The following PRMT7 variants were observed in gnomAD, a reference collection of about 807,000 sequenced individuals.
PRMT7 encodes protein arginine N-methyltransferase 7.
PRMT7 carries 75 observed loss-of-function variants against 85.4 expected under a neutral mutation model. The observed-to-expected ratio is 0.88, with a 90% CI of 0.73 to 1.06. The LOEUF (loss-of-function observed/expected upper bound fraction) is 1.06, where lower values mean the gene tolerates loss of function less well. Among genes scored for constraint, PRMT7 ranks in the 50% least tolerant of loss-of-function variants. PRMT7 has a pLI of 0.00. For missense variants in PRMT7, 868 were observed against 915.2 expected (o/e 0.95, Z 0.67); for synonymous variants, 397 against 359.5 (o/e 1.10, Z -1.18).
At chr16:68,324,520 A>G in intron 4 of PRMT7, 163 bp from the exon 5 acceptor site, 1 of 755,656 alleles carries the variant, frequency 1.3e-6, no homozygotes, top group South Asian at 1.8e-5. Flanking sequence ...GGGCTGACTC[A>G]CAAGACCTGC....
At chr16:68,314,336 T>G (rs1187812633) in intron 2 of PRMT7, among the ~76,000 whole-genome samples, 2 of 152,224 alleles carry the variant, frequency 1.3e-5, no homozygotes, top group African/African-American at 4.8e-5. Context: ...ATTCAAGTGA[T>G]TCTCCTGCCT....
At chr16:68,348,143 C>T (rs1257823214) in intron 13 of PRMT7, among the ~76,000 whole-genome samples, 199 bp from the exon 14 acceptor site, 1 of 152,192 alleles carries the variant, frequency 6.6e-6, no homozygotes, top group Non-Finnish European at 1.5e-5. Flanking sequence ...GCTTTTATCA[C>T]ATTGTGCTCC....
At chr16:68,350,534 T>C (rs141382994) in intron 14 of PRMT7, among the ~76,000 whole-genome samples, 2 of 152,332 alleles carry the variant, frequency 1.3e-5, no homozygotes, top group African/African-American at 4.8e-5. Context: ...GAACATCATT[T>C]CGTGTGCTTG....
chr16:68,319,586 C>T (rs2082246219), intron 3 of PRMT7, among the ~76,000 whole-genome samples: 1 of 134,526 alleles, frequency 7.4e-6, no homozygotes, highest in Non-Finnish European at 1.5e-5. Flanking sequence ...CCTTGATGTG[C>T]CATTAAAAAA....
chr16:68,347,664 A>G lies in PRMT7; in HGVS notation c.1309A>G (p.Lys437Glu). 6.2e-7 allele frequency: 1 copy of G among 1,613,962 alleles called. No individual in the cohort carries two copies. Among genetic ancestry groups the G allele is most frequent in the Non-Finnish European group, 8.5e-7 (1 of 1,179,852 alleles). Residue 437 changes from lysine (K) to glutamate (E), a missense_variant, in exon 13 of 19, where the codon AAA (lysine) becomes GAA (glutamate). Transcript: ENST00000441236. ...AGTCGAGAGTTCAGCAGCTTCTCAC[A>G]AACTGTTGAGAAAAGTAAGTGAGAA... ...FTVESSAASH[K>E]LLRKIFKANH...
chr16:68,349,774 G>A lies in PRMT7; in HGVS notation c.1413+1343G>A, dbSNP rs572874891. On this transcript the variant is annotated intron_variant, in intron 14 of 18. Transcript: ENST00000441236. ...CCGAGTGTGGTGGCACGTGCCTGTA[G>A]TCCCAGGAGGCTGAGGTGGGTGAGG... is the stretch of plus-strand genomic sequence containing the variant. Among the ~76,000 whole-genome samples, 5 of 152,182 alleles carry A rather than the reference G, an allele frequency of 3.3e-5. No individual in the cohort carries two copies. The East Asian group carries it at 7.7e-4, about 23-fold the overall frequency.
chr16:68,338,442 G>C (rs942774732), intron 7 of PRMT7, among the ~76,000 whole-genome samples: 5 of 151,910 alleles, frequency 3.3e-5, no homozygotes, highest in Admixed American at 2.0e-4. Context: ...GCTCTCTAAA[G>C]GTCAGCCAAG....
chr16:68,346,165 T>C lies in PRMT7; in HGVS notation c.1076T>C (p.Val359Ala). The C allele has an allele frequency of 6.2e-7, 1 of 1,613,630 alleles. No homozygotes were observed. The highest frequency in any genetic ancestry group is 8.5e-7 in the Non-Finnish European group (1 of 1,179,956). ...QRTSPEKNER[V>A]RQMRPVCDCQ... ...CCTAGCCCTGAAAAGAATGAGAGAG[T>C]CCGCCAGATGCGCCCCGTGTGTGAC... The change falls in exon 11 of 19, where the codon GTC becomes GCC. Residue 359 changes from valine to alanine, a missense_variant. Val to Ala is a moderately conservative substitution (Grantham distance 64). Coordinates refer to ENST00000441236, the MANE Select transcript of PRMT7 (RefSeq NM_019023.5).
intron 9 of PRMT7, among the ~76,000 whole-genome samples, chr16:68,344,830 GA>G (rs920425750): frequency 5.3e-5 from 8 of 151,586 alleles, no homozygotes; most frequent in Non-Finnish European, 7.4e-5. Context: ...CAGAATAAGT[GA>G]AAATGAACAC....
intron 9 of PRMT7, 90 bp from the exon 10 acceptor site, chr16:68,345,585 A>T (rs1425498583): frequency 2.5e-6 from 4 of 1,568,648 alleles, no homozygotes; most frequent in East Asian, 4.5e-5. Flanking sequence ...GACGTCCTGA[A>T]AACTGGCAGT....
intron 6 of PRMT7, among the ~76,000 whole-genome samples, chr16:68,331,276 T>TG (rs2083855801): frequency 6.6e-6 from 1 of 152,126 alleles, no homozygotes; most frequent in African/African-American, 2.4e-5. Flanking sequence ...GTTCATGTCT[T>TG]GGGGGTCCGT....
At chr16:68,352,943 G>C (rs533054107) in intron 15 of PRMT7, among the ~76,000 whole-genome samples, 340 of 152,294 alleles carry the variant, frequency 2.2e-3, no homozygotes, top group African/African-American at 7.6e-3. Flanking sequence ...TAGCTTAGTG[G>C]CTCCATCACT....
At chr16:68,313,108 A>C (rs2044170340) in intron 2 of PRMT7, among the ~76,000 whole-genome samples, 1 of 152,222 alleles carries the variant, frequency 6.6e-6, no homozygotes, top group South Asian at 2.1e-4. Flanking sequence ...TATAGGCGTG[A>C]GTCACCGTGC....
intron 3 of PRMT7, chr16:68,316,859 A>T (rs1383566137): frequency 6.6e-6 from 1 of 152,000 alleles, no homozygotes; most frequent in East Asian, 1.9e-4. Context: ...GATGAAGAAG[A>T]TCCTGTTCTC....
Position 68,324,762 on chromosome 16 carries a change from T to A in PRMT7, c.212T>A (p.Ile71Asn). 1 of 1,613,922 alleles carries A rather than the reference T, an allele frequency of 6.2e-7. No individual in the cohort carries two copies. Among genetic ancestry groups the A allele is most frequent in the Non-Finnish European group, 8.5e-7 (1 of 1,179,952 alleles). The stretch of plus-strand genomic sequence containing the variant: ...GGACAGAAGGCCTTGGTTCTCGACA[T>A]TGGCACTGGCACGGGACTCTTGTCA... ...DRGQKALVLD[I>N]GTGTGLLSMM... The change falls in exon 5 of 19, where the codon ATT (isoleucine) becomes AAT (asparagine). Residue 71 changes from isoleucine (I) to asparagine (N), a missense_variant. By Grantham distance (149) the Ile-to-Asn change is moderately radical. Transcript: ENST00000441236.
At chr16:68,331,292 T>C (rs1177076161) in intron 6 of PRMT7, among the ~76,000 whole-genome samples, 2 of 152,166 alleles carry the variant, frequency 1.3e-5, no homozygotes, top group Non-Finnish European at 2.9e-5. Context: ...TCCGTTCTTT[T>C]GTGTTACTGA....
rs1183794903 is a variant in PRMT7, at chr16:68,313,902, A to G, written c.-84+1726A>G. Among the ~76,000 whole-genome samples, 3 of 152,190 alleles carry G rather than the reference A, an allele frequency of 2.0e-5. No individual in the cohort carries two copies. In the East Asian group the frequency reaches 5.8e-4, roughly 29 times the overall value. ...GAGTGTAATGATCATGCCTGTGAAT[A>G]GCCACTGTGATCCAACCTGGACAGC... On this transcript the variant is annotated intron_variant, in intron 2 of 18. Transcript: ENST00000441236.
At chr16:68,317,693 G>A (rs7199515) in intron 3 of PRMT7, among the ~76,000 whole-genome samples, 21,433 of 151,732 alleles carry the variant, frequency 0.14, 1,596 homozygotes, top group African/African-American at 0.18. Flanking sequence ...CAGGTGTGGT[G>A]GCGCATGCAT....
intron 15 of PRMT7, 150 bp downstream of exon 15, chr16:68,352,559 T>C: frequency 1.6e-6 from 1 of 641,732 alleles, no homozygotes; most frequent in African/African-American, 1.9e-5. Context: ...ACTGTGGGGT[T>C]GAATAGAAGA....
Sources: allele counts gnomAD v4.1 joint callset (sites outside exome capture counted in the v4.1 genomes callset), GRCh38; gene constraint gnomAD v4.1.1; transcripts MANE v1.5; gene names NCBI Gene and HGNC (gene_info 2026-07-23, HGNC 2026-07-21).